The following DMD variants were observed in gnomAD, a reference collection of about 807,000 sequenced individuals.
DMD encodes mutant dystrophin.
A neutral mutation model predicts 330.1 loss-of-function variants in DMD; 63 were observed. The observed-to-expected ratio is 0.19, with a 90% CI of 0.16 to 0.24. The LOEUF (loss-of-function observed/expected upper bound fraction) is 0.24. DMD is among the 10% of genes least tolerant of loss of function. DMD has a pLI of 1.00. For synonymous variants in DMD, 1,223 were observed against 959.8 expected, an observed-to-expected ratio of 1.27 and a Z score of -5.07; for missense variants, 3,344 against 2,684.1, an observed-to-expected ratio of 1.25 and a Z score of -5.43.
At chrX:31,386,281 C>T (rs1254557596) in intron 60 of DMD, among the ~76,000 whole-genome samples, 8 of 110,770 alleles carry the variant, frequency 7.2e-5, no homozygotes, top group Non-Finnish European at 1.5e-4. Context: ...ATGTAAATGA[C>T]GAGTTAATGG....
At chrX:31,784,861 A>T (rs750420214) in intron 50 of DMD, among the ~76,000 whole-genome samples, 154 of 112,280 alleles carry the variant, frequency 1.4e-3, no homozygotes, top group African/African-American at 4.9e-3. Flanking sequence ...ATATTAAATT[A>T]ATTTTTGACA....
At chrX:32,757,944 C>CA (rs773574878) in intron 7 of DMD, among the ~76,000 whole-genome samples, 25 of 111,478 alleles carry the variant, frequency 2.2e-4, no homozygotes, top group Admixed American at 6.7e-4. Context: ...CTAGCTCTAG[C>CA]AACAGGAGGA....
chrX:31,934,658 G>A (rs1448076339), intron 45 of DMD, among the ~76,000 whole-genome samples: 1 of 110,903 alleles, frequency 9.0e-6, no homozygotes, highest in East Asian at 2.9e-4. Context: ...TTATCTGACT[G>A]GGAAGATGAA....
intron 50 of DMD, among the ~76,000 whole-genome samples, chrX:31,774,972 T>C (rs6631389): frequency 0.41 from 45,629 of 110,204 alleles, 6,840 homozygotes; most frequent in African/African-American, 0.48. Flanking sequence ...AATTAAAATG[T>C]CTGGTAGACA....
chrX:32,765,867 T>A (rs760126046), intron 7 of DMD, among the ~76,000 whole-genome samples: 1 of 112,132 alleles, frequency 8.9e-6, no homozygotes, highest in East Asian at 2.8e-4. Context: ...TCCTGATCCA[T>A]TTTGACTTAA....
intron 37 of DMD, among the ~76,000 whole-genome samples, chrX:32,356,379 TAAAAAAAAAAAAAA>T (rs71888370): frequency 5.7e-5 from 3 of 52,740 alleles, no homozygotes; most frequent in Non-Finnish European, 1.0e-4. Flanking sequence ...TGAATGGAAG[TAAAAAAAAAAAAAA>T]AAAAAAAAAA....
chrX:31,496,102 G>A (rs2069823295), intron 57 of DMD, among the ~76,000 whole-genome samples: 2 of 111,812 alleles, frequency 1.8e-5, no homozygotes, highest in Non-Finnish European at 3.8e-5. Flanking sequence ...AAGATACAGG[G>A]AAACTATTCT....
At chrX:32,828,535 A>G (rs1172575047) in intron 4 of DMD, among the ~76,000 whole-genome samples, 1 of 110,005 alleles carries the variant, frequency 9.1e-6, no homozygotes, top group African/African-American at 3.3e-5. Flanking sequence ...AGATATAGAC[A>G]TATCTATACA....
chrX:31,527,581 C>A (rs2073343488), intron 55 of DMD, among the ~76,000 whole-genome samples: 1 of 111,577 alleles, frequency 9.0e-6, no homozygotes, highest in Admixed American at 9.5e-5. Flanking sequence ...CATAGGTCAC[C>A]TTTCTGCCCC....
chrX:31,641,501 CAAAAAAA>C (rs1048854739), intron 54 of DMD, among the ~76,000 whole-genome samples: 13 of 33,605 alleles, frequency 3.9e-4, no homozygotes, highest in African/African-American at 1.2e-3. Context: ...GACTCCGTCT[CAAAAAAA>C]AAAAAAAAAA....
At chrX:32,384,567 AAAC>A (rs1465307113) in intron 33 of DMD, among the ~76,000 whole-genome samples, 3 of 111,072 alleles carry the variant, frequency 2.7e-5, no homozygotes, top group Non-Finnish European at 5.7e-5. Context: ...TAAAATATAA[AAAC>A]AAGACTATCT....
chrX:33,093,410 T>C (rs929656215), intron 1 of DMD, among the ~76,000 whole-genome samples: 2 of 112,554 alleles, frequency 1.8e-5, no homozygotes, highest in African/African-American at 6.4e-5. Context: ...AGTTTTTGTC[T>C]TGTTACTGTT....
rs1447328485 is a variant in DMD at position 32,361,037 on chromosome X, T to G, written c.5325+1751A>C. ...GTGGTGGAGAGCAAATTCTACCCAT[T>G]TTTTAATATCTGTGAACCACAATCT... On this transcript the variant is annotated intron_variant, in intron 37 of 78. Coordinates refer to ENST00000357033, the MANE Select transcript of DMD (RefSeq NM_004006.3). Among the ~76,000 whole-genome samples the G allele has an allele frequency of 1.1e-4, 12 of 110,587 alleles. No homozygotes were observed. The highest frequency in any genetic ancestry group is 2.1e-4 in the Non-Finnish European group (11 of 53,010).
At chrX:32,446,661 C>T (rs1312962823) in intron 27 of DMD, among the ~76,000 whole-genome samples, 2 of 109,961 alleles carry the variant, frequency 1.8e-5, no homozygotes, top group Non-Finnish European at 3.8e-5. Flanking sequence ...ACAACAGCAG[C>T]AGCAACAGCA....
intron 29 of DMD, among the ~76,000 whole-genome samples, chrX:32,415,548 C>G (rs759804995): frequency 6.4e-4 from 72 of 112,455 alleles, no homozygotes; most frequent in African/African-American, 2.2e-3. Flanking sequence ...CCCGCTTGAC[C>G]TGTGCTGTCT....
At position 32,935,654 on chromosome X, in the gene DMD, G is replaced by C. The variant is rs1241144042; in HGVS notation, c.93+84485C>G. Among the ~76,000 whole-genome samples the C allele has an allele frequency of 2.7e-5, 3 of 110,777 alleles. No individual in the cohort carries two copies. In the South Asian group the frequency reaches 1.1e-3, roughly 42 times the overall value. On this transcript the variant is annotated intron_variant, in intron 2 of 78. Coordinates refer to ENST00000357033, the MANE Select transcript of DMD (RefSeq NM_004006.3). ...CTAAATTAATTCTTTAATCCTTTTTGCGCTGAATATAGAAGTCACAAAGTC... is the reference window on the plus strand; with the variant it reads ...CTAAATTAATTCTTTAATCCTTTTTCCGCTGAATATAGAAGTCACAAAGTC...
At chrX:32,136,916 G>A (rs2096728741) in intron 44 of DMD, among the ~76,000 whole-genome samples, 1 of 110,570 alleles carries the variant, frequency 9.0e-6, no homozygotes, top group South Asian at 3.8e-4. Context: ...GCTAGATGAC[G>A]AGTTAGTGGG....
intron 43 of DMD, among the ~76,000 whole-genome samples, chrX:32,229,681 C>A (rs1281343528): frequency 8.2e-5 from 2 of 24,332 alleles, no homozygotes; most frequent in African/African-American, 1.6e-4. Flanking sequence ...AGAGTTTCAT[C>A]ATATATATAT....
intron 77 of DMD, 129 bp from the exon 78 acceptor site, chrX:31,126,802 G>A: frequency 1.3e-5 from 2 of 152,953 alleles, no homozygotes; most frequent in Non-Finnish European, 1.1e-5. Flanking sequence ...ATTCTCTGCT[G>A]GAAAAAAAAA....
Sources: allele counts gnomAD v4.1 joint callset (sites outside exome capture counted in the v4.1 genomes callset), GRCh38; gene constraint gnomAD v4.1.1; transcripts MANE v1.5; gene names NCBI Gene and HGNC (gene_info 2026-07-23, HGNC 2026-07-21).